GSE1: variants seen among roughly 807,000 people sequenced by gnomAD.
GSE1 encodes the protein genetic suppressor element 1.
GSE1 carries 32 observed loss-of-function variants against 112.6 expected under a neutral mutation model. The observed-to-expected ratio is 0.28, with a 90% CI of 0.21 to 0.38. The LOEUF (loss-of-function observed/expected upper bound fraction) is 0.38. GSE1 is among the 10% of genes least tolerant of loss of function. The pLI, the probability that GSE1 is intolerant of heterozygous loss-of-function variation, is 1.00. For synonymous variants in GSE1, 1,115 were observed against 735.6 expected, an observed-to-expected ratio of 1.52 and a Z score of -8.35; for missense variants, 2,348 against 1,699.2, an observed-to-expected ratio of 1.38 and a Z score of -6.71.
chr16:85,310,716 T>C (rs2045816034), intron 1 of GSE1, among the ~76,000 whole-genome samples: 1 of 151,948 alleles, frequency 6.6e-6, no homozygotes, highest in Non-Finnish European at 1.5e-5. Flanking sequence ...TGGAGCCTGA[T>C]GTGGAAGGGG....
intron 2 of GSE1, among the ~76,000 whole-genome samples, chr16:85,501,564 T>A (rs974579197): frequency 3.3e-5 from 5 of 151,982 alleles, no homozygotes; most frequent in African/African-American, 7.3e-5. Flanking sequence ...GCTAATTTTT[T>A]AAAAATTTTT....
chr16:85,487,718 T>C (rs1468194051), intron 2 of GSE1, among the ~76,000 whole-genome samples: 2 of 147,356 alleles, frequency 1.4e-5, no homozygotes, highest in African/African-American at 2.5e-5. Flanking sequence ...GGGCCAGGGC[T>C]GTGCCCTCGG....
intron 2 of GSE1, among the ~76,000 whole-genome samples, chr16:85,479,162 T>C (rs2050594011): frequency 6.8e-6 from 1 of 146,598 alleles, no homozygotes; most frequent in Admixed American, 6.8e-5. Context: ...GCTGGGACTA[T>C]AGGCGCCCGC....
intron 1 of GSE1, among the ~76,000 whole-genome samples, chr16:85,335,952 A>G (rs935206397): frequency 3.9e-5 from 6 of 152,176 alleles, no homozygotes; most frequent in Non-Finnish European, 7.4e-5. Flanking sequence ...GTGGACTTCC[A>G]GCAGCTGGGG....
At chr16:85,616,588 C>T (rs541627590) in intron 1 of GSE1, among the ~76,000 whole-genome samples, 2 of 152,352 alleles carry the variant, frequency 1.3e-5, no homozygotes, top group South Asian at 2.1e-4. Context: ...CCCTCCCTTT[C>T]CTGGTGTGCC....
intron 1 of GSE1, among the ~76,000 whole-genome samples, chr16:85,346,427 C>CAAGT (rs2046739568): frequency 8.7e-5 from 1 of 11,476 alleles, no homozygotes; most frequent in East Asian, 0.025. Context: ...GGGTGATGGA[C>CAAGT]AGGTGGATGG....
At chr16:85,478,770 T>C in intron 2 of GSE1, among the ~76,000 whole-genome samples, 1 of 145,432 alleles carries the variant, frequency 6.9e-6, no homozygotes, top group East Asian at 2.3e-4. Flanking sequence ...CAAGTTCAAG[T>C]TATTATCCTG....
chr16:85,623,726 C>T (rs1351111859), intron 1 of GSE1, among the ~76,000 whole-genome samples: 2 of 152,160 alleles, frequency 1.3e-5, no homozygotes, highest in Non-Finnish European at 2.9e-5. Context: ...GGGACGTTTT[C>T]CAGTCATCAC....
At chr16:85,568,007 G>C (rs557306414) in intron 1 of GSE1, among the ~76,000 whole-genome samples, 1 of 152,128 alleles carries the variant, frequency 6.6e-6, no homozygotes, top group African/African-American at 2.4e-5. Context: ...TTACAGACAC[G>C]AGCCACTGTG....
chr16:85,451,250 T>A (rs2049671507), intron 2 of GSE1, among the ~76,000 whole-genome samples: 1 of 152,170 alleles, frequency 6.6e-6, no homozygotes, highest in African/African-American at 2.4e-5. Context: ...TGGTGTCCTT[T>A]TGTGGTCATT....
At chr16:85,627,100 C>G (rs1272284540) in intron 1 of GSE1, among the ~76,000 whole-genome samples, 3 of 79,582 alleles carry the variant, frequency 3.8e-5, no homozygotes, top group Admixed American at 2.0e-4. Context: ...GCTTCTGACC[C>G]TATTAGAAAC....
upstream of GSE1, among the ~76,000 whole-genome samples, chr16:85,612,292 T>C (rs1448303300): frequency 1.3e-5 from 2 of 151,098 alleles, no homozygotes; most frequent in Non-Finnish European, 3.0e-5. Context: ...GTGGGAAGGC[T>C]GGGGCCTTCA....
intron 2 of GSE1, among the ~76,000 whole-genome samples, chr16:85,537,310 T>A (rs924432512): frequency 4.7e-4 from 71 of 152,350 alleles, no homozygotes; most frequent in African/African-American, 1.7e-3. Context: ...CACAGGCATT[T>A]GCTAAGAGCA....
intron 1 of GSE1, among the ~76,000 whole-genome samples, chr16:85,267,916 C>G (rs765853264): frequency 1.3e-5 from 2 of 152,214 alleles, no homozygotes; most frequent in Admixed American, 6.5e-5. Flanking sequence ...TAAGTGGCCT[C>G]TCTGAACCTC....
intron 1 of GSE1, among the ~76,000 whole-genome samples, chr16:85,586,745 G>A (rs1217930370): frequency 6.6e-6 from 1 of 152,226 alleles, no homozygotes; most frequent in Non-Finnish European, 1.5e-5. Flanking sequence ...CCGGCATGGA[G>A]GGCCTCTTTC....
At chr16:85,441,540 A>G (rs1277645000) in intron 2 of GSE1, among the ~76,000 whole-genome samples, 1 of 152,228 alleles carries the variant, frequency 6.6e-6, no homozygotes, top group Non-Finnish European at 1.5e-5. Flanking sequence ...CTGTAATCCC[A>G]GCTACTCAGG....
intron 2 of GSE1, among the ~76,000 whole-genome samples, chr16:85,470,087 C>T (rs2050239963): frequency 2.0e-5 from 3 of 152,374 alleles, no homozygotes; most frequent in Non-Finnish European, 4.4e-5. Context: ...GGGTGAGGGC[C>T]ACGCTCCAGG....
chr16:85,628,541 T>C (rs1210770801), intron 1 of GSE1, among the ~76,000 whole-genome samples: 1 of 152,016 alleles, frequency 6.6e-6, no homozygotes, highest in Non-Finnish European at 1.5e-5. Context: ...GCCTCCCTGG[T>C]CACCAGGGAA....
chr16:85,191,613 G>A (rs561006260), intron 1 of GSE1, among the ~76,000 whole-genome samples: 110 of 152,314 alleles, frequency 7.2e-4, no homozygotes, highest in Non-Finnish European at 7.2e-4. Context: ...AAGTTGAGAT[G>A]GAACTCTACG....
Sources: allele counts gnomAD v4.1 joint callset (sites outside exome capture counted in the v4.1 genomes callset), GRCh38; gene constraint gnomAD v4.1.1; transcripts MANE v1.5; gene names NCBI Gene and HGNC (gene_info 2026-07-23, HGNC 2026-07-21).